The following EYA4 variants were observed in gnomAD, a reference collection of about 807,000 sequenced individuals.
EYA4 encodes the protein EYA transcriptional coactivator and phosphatase 4.
In EYA4, 31 loss-of-function variants were observed where a neutral mutation model predicts 87.9. The ratio of observed to expected loss-of-function variants is 0.35; its 90% CI spans 0.27 to 0.48. The LOEUF (loss-of-function observed/expected upper bound fraction) is 0.48. EYA4 is among the 20% of genes least tolerant of loss of function. The pLI, the probability that EYA4 is intolerant of heterozygous loss-of-function variation, is 0.99. For missense variants in EYA4, 678 were observed against 761.4 expected, an observed-to-expected ratio of 0.89 and a Z score of 1.29; for synonymous variants, 263 against 270.6, an observed-to-expected ratio of 0.97 and a Z score of 0.28.
intron 2 of EYA4, among the ~76,000 whole-genome samples, chr6:133,289,965 C>G (rs1778355385): frequency 6.6e-6 from 1 of 152,168 alleles, no homozygotes; most frequent in Non-Finnish European, 1.5e-5. Context: ...TCCCTACTTA[C>G]TTTGCTTTGC....
chr6:133,308,383 T>TC (rs1779966405), intron 2 of EYA4, among the ~76,000 whole-genome samples: 2 of 152,170 alleles, frequency 1.3e-5, no homozygotes, highest in African/African-American at 2.4e-5. Flanking sequence ...AATTCAGTAA[T>TC]TAAAAAAAAC....
At chr6:133,394,290 T>A (rs966859612) in intron 3 of EYA4, among the ~76,000 whole-genome samples, 7,218 of 31,136 alleles carry the variant, frequency 0.23, 449 homozygotes, top group Non-Finnish European at 0.41. Context: ...TTGTGTTTTT[T>A]TTTTTTTTTT....
At chr6:133,390,219 A>G (rs1216731919) in intron 3 of EYA4, among the ~76,000 whole-genome samples, 1 of 147,862 alleles carries the variant, frequency 6.8e-6, no homozygotes, top group Non-Finnish European at 1.5e-5. Flanking sequence ...TAGTTCTCTT[A>G]TTTTTATTTT....
intron 6 of EYA4, among the ~76,000 whole-genome samples, chr6:133,457,526 A>C (rs1794014335): frequency 6.6e-6 from 1 of 152,138 alleles, no homozygotes; most frequent in South Asian, 2.1e-4. Flanking sequence ...AATAGTTGAG[A>C]TATGTCTTAG....
At chr6:133,500,151 C>G (rs893674803) in intron 13 of EYA4, among the ~76,000 whole-genome samples, 5 of 151,660 alleles carry the variant, frequency 3.3e-5, no homozygotes, top group South Asian at 2.1e-4. Context: ...TCTGCTGACT[C>G]TCAATTTCGT....
At chr6:133,429,476 A>T (rs1418670549) in intron 3 of EYA4, among the ~76,000 whole-genome samples, 1 of 152,164 alleles carries the variant, frequency 6.6e-6, no homozygotes, top group African/African-American at 2.4e-5. Flanking sequence ...AGTAATTAGA[A>T]TGTGACCCCA....
chr6:133,260,149 C>T (rs1025929906), intron 1 of EYA4, among the ~76,000 whole-genome samples: 5 of 151,750 alleles, frequency 3.3e-5, no homozygotes, highest in African/African-American at 1.2e-4. Context: ...CTAGTTTTTT[C>T]CACATTGCTC....
intron 2 of EYA4, among the ~76,000 whole-genome samples, chr6:133,377,288 T>G (rs148528146): frequency 2.6e-5 from 4 of 152,218 alleles, no homozygotes; most frequent in African/African-American, 9.6e-5. Flanking sequence ...TCAAAAATAC[T>G]AAGATATTCT....
chr6:133,270,195 T>G (rs1230413611), intron 1 of EYA4, among the ~76,000 whole-genome samples: 1 of 152,128 alleles, frequency 6.6e-6, no homozygotes. Flanking sequence ...CAAGTTGACA[T>G]TCAGTATTAA....
At chr6:133,287,623 GAC>G (rs1778167636) in intron 2 of EYA4, among the ~76,000 whole-genome samples, 2 of 148,702 alleles carry the variant, frequency 1.3e-5, no homozygotes, top group South Asian at 4.4e-4. Context: ...CTGCACAAAA[GAC>G]AGAGATGTAT....
At chr6:133,289,071 C>T (rs927434892) in intron 2 of EYA4, among the ~76,000 whole-genome samples, 1 of 152,090 alleles carries the variant, frequency 6.6e-6, no homozygotes, top group Non-Finnish European at 1.5e-5. Flanking sequence ...CACCTTCTTC[C>T]AAGAGGAGGC....
chr6:133,454,537 G>A (rs1311881551), intron 5 of EYA4, among the ~76,000 whole-genome samples: 1 of 152,092 alleles, frequency 6.6e-6, no homozygotes, highest in East Asian at 1.9e-4. Context: ...TAACCTTTTT[G>A]TGCCTCAGTT....
intron 17 of EYA4, among the ~76,000 whole-genome samples, chr6:133,522,162 T>G (rs1251310986): frequency 7.3e-6 from 1 of 137,370 alleles, no homozygotes; most frequent in Non-Finnish European, 1.6e-5. Flanking sequence ...ATCTACATGG[T>G]AGAGTAGTTT....
At chr6:133,277,750 G>A (rs1777297316) in intron 2 of EYA4, among the ~76,000 whole-genome samples, 1 of 152,104 alleles carries the variant, frequency 6.6e-6, no homozygotes, top group African/African-American at 2.4e-5. Context: ...CTTTATGCCA[G>A]TATTACTCAT....
rs34316449 is a variant in EYA4, at chr6:133,491,951, C to CAAAAAAA, written c.1191+8850_1191+8856dup. 2.3e-4 allele frequency among the ~76,000 whole-genome samples: 19 copies of CAAAAAAA among 83,722 alleles called. 2 individuals carry two copies. The highest frequency in any genetic ancestry group is 1.2e-3 in the Admixed American group (8 of 6,932). 54.9% of individuals were successfully genotyped at this position (83,722 alleles called of 152,430 possible). A position where few individuals can be genotyped will look rare whatever the true frequency, so the allele number is the denominator to read the frequency against. On this transcript the variant is annotated intron_variant, in intron 13 of 19. Transcript: ENST00000355286. ...TGGGGGACAGAGTGAAACTCCGTCT[C>CAAAAAAA]AAAAAAAAAAAAAAAAAAAAGAGGA...
rs1244671664 is a variant in EYA4, at chr6:133,515,374, G to T, written c.1555G>T (p.Glu519Ter). The T allele has an allele frequency of 6.2e-7, 1 of 1,613,948 alleles. No homozygotes were observed. Among genetic ancestry groups the T allele is most frequent in the Admixed American group, 1.7e-5 (1 of 60,022 alleles). The change falls in exon 17 of 20, where the codon GAA becomes TAA. Residue 519 changes from glutamate (E) to a stop codon, truncating the protein, a stop_gained. Coordinates refer to ENST00000355286, the MANE Select transcript of EYA4 (RefSeq NM_004100.5). LOFTEE classifies it high-confidence loss of function. ...CTGGCTACAGTTAAGGGCAGAGATT[G>T]AAGGTCTGACAGATTCCTGGCTAAC... ...DAWLQLRAEI[E>*]GLTDSWLTNA... is the part of the protein sequence containing the mutation.
At chr6:133,399,075 C>T (rs950410585) in intron 3 of EYA4, among the ~76,000 whole-genome samples, 2 of 152,170 alleles carry the variant, frequency 1.3e-5, no homozygotes, top group African/African-American at 2.4e-5. Flanking sequence ...AGCGCCAGCT[C>T]ACCTCTGCTG....
In EYA4 at chr6:133,396,976, G is replaced by A. The variant is rs34512762; in HGVS notation, c.83+14535G>A. Among the ~76,000 whole-genome samples, 1,389 of 152,260 alleles carry A rather than the reference G, an allele frequency of 9.1e-3. 10 individuals are homozygous for A. Among genetic ancestry groups the A allele is most frequent in the Non-Finnish European group, 0.015 (990 of 68,020 alleles). On this transcript the variant is annotated intron_variant, in intron 3 of 19. Coordinates refer to ENST00000355286, the MANE Select transcript of EYA4 (RefSeq NM_004100.5). ...GATTTTCATCAGAGGAAGATACTGT[G>A]TATCCTAAAAATTCACATCTCATGG...
chr6:133,407,143 C>A (rs1435367735), intron 3 of EYA4, among the ~76,000 whole-genome samples: 1 of 151,854 alleles, frequency 6.6e-6, no homozygotes, highest in African/African-American at 2.4e-5. Context: ...TAATTAAACT[C>A]CTTACATTGG....
Sources: gnomAD v4.1 joint callset for allele counts (sites outside exome capture counted in the v4.1 genomes callset) on GRCh38, gnomAD v4.1.1 for gene constraint, MANE v1.5 for transcripts, NCBI Gene and HGNC (gene_info 2026-07-23, HGNC 2026-07-21) for gene names.